The following NBPF8 variants were observed in gnomAD, a reference collection of about 807,000 sequenced individuals.
NBPF8 encodes NBPF family member NBPF8.
chr1:120,422,894 G>A (rs2134384), intron 1 of NBPF8, among the ~76,000 whole-genome samples: 1 of 111,740 alleles, frequency 8.9e-6, no homozygotes, highest in Non-Finnish European at 1.8e-5. Flanking sequence ...ATGATTTTGA[G>A]CATCTTTCTC....
intron 3 of NBPF8, among the ~76,000 whole-genome samples, 143 bp downstream of exon 3, chr1:120,427,990 C>T (rs1198464405): frequency 6.6e-6 from 1 of 152,170 alleles, no homozygotes; most frequent in Non-Finnish European, 1.5e-5. Context: ...GATGATGTCC[C>T]TTGTTCAACA....
chr1:120,459,703 G>A lies in NBPF8; in HGVS notation n.2784+173G>A, dbSNP rs1403157937. On this transcript the variant is annotated intron_variant and non_coding_transcript_variant, in intron 17 of 24. Transcript: ENST00000583271. ...GAGTCGAGTCTGAAGCACAGGCATG[G>A]GGTGGGTCAGTGAGCTTTGCTCTCT... 2.7e-3 allele frequency among the ~76,000 whole-genome samples: 409 copies of A among 151,972 alleles called. 2 individuals carry two copies. The highest frequency in any genetic ancestry group is 0.021 in the Middle Eastern group (6 of 292).
At chr1:120,431,465 A>C (rs1660877805), upstream of NBPF8, among the ~76,000 whole-genome samples, 2 of 148,972 alleles carry the variant, frequency 1.3e-5, no homozygotes, top group Non-Finnish European at 3.0e-5. Flanking sequence ...ACATTGAAAC[A>C]ATTTCTCAAA....
At chr1:120,420,286 G>T (rs1289557806) in intron 1 of NBPF8, among the ~76,000 whole-genome samples, 168 bp downstream of exon 2, 4 of 151,850 alleles carry the variant, frequency 2.6e-5, no homozygotes, top group African/African-American at 9.7e-5. Flanking sequence ...AATATTCACA[G>T]CGTGTGCCAC....
At chr1:120,466,013 A>C (rs1248229068) in exon 25 of NBPF8, 2 of 1,611,778 alleles carry the variant, frequency 1.2e-6, no homozygotes, top group African/African-American at 1.3e-5. Flanking sequence ...GAAGAGCCTG[A>C]AGTCTTACAG....
chr1:120,419,608 G>T (rs1286737109), upstream of NBPF8, among the ~76,000 whole-genome samples: 2 of 151,968 alleles, frequency 1.3e-5, no homozygotes, highest in African/African-American at 4.8e-5. Context: ...ACAAGTGTGT[G>T]CCACCATGCT....
chr1:120,415,146 G>A (rs1264987873), upstream of NBPF8, among the ~76,000 whole-genome samples: 2 of 152,184 alleles, frequency 1.3e-5, no homozygotes, highest in Non-Finnish European at 2.9e-5. Flanking sequence ...GAGCATCTGA[G>A]TGAACGCGGT....
rs1661554699 is a variant in NBPF8 at position 120,460,601 on chromosome 1, G to A, written n.2813G>A. 8 of 1,440,512 alleles carry A rather than the reference G, an allele frequency of 5.6e-6. No individual in the cohort carries two copies. In the South Asian group the frequency reaches 7.9e-5, roughly 14 times the overall value. The allele number at this position is 1,440,512 out of a possible 1,614,324, so 89.2% of individuals were successfully genotyped here. Reference sequence around the variant, plus strand: ...ATCGGTGGGATCAAGTGAAAAAGGAGGACCAAGAGGCAACAGGTCCCAGGT... The same window carrying A: ...ATCGGTGGGATCAAGTGAAAAAGGAAGACCAAGAGGCAACAGGTCCCAGGT... On this transcript the variant is annotated non_coding_transcript_exon_variant, in exon 18 of 25. Transcript: ENST00000583271.
chr1:120,460,872 G>A (rs1261023303), intron 18 of NBPF8, among the ~76,000 whole-genome samples: 4 of 151,900 alleles, frequency 2.6e-5, no homozygotes, highest in African/African-American at 7.3e-5. Context: ...GGTAACTGCA[G>A]GGAAACTTGA....
intron 11 of NBPF8, among the ~76,000 whole-genome samples, chr1:120,450,531 C>T (rs1286225852): frequency 1.3e-5 from 2 of 152,138 alleles, no homozygotes; most frequent in Non-Finnish European, 2.9e-5. Flanking sequence ...TCTTGTCAGT[C>T]TCCTAGAACA....
At chr1:120,429,525 C>A (rs1354458891) in intron 3 of NBPF8, among the ~76,000 whole-genome samples, 1 of 152,200 alleles carries the variant, frequency 6.6e-6, no homozygotes, top group African/African-American at 2.4e-5. Context: ...TGGGACTTGG[C>A]TGTCTAGAGA....
chr1:120,421,066 G>T (rs2101452959), intron 1 of NBPF8, among the ~76,000 whole-genome samples: 1 of 150,148 alleles, frequency 6.7e-6, no homozygotes, highest in Admixed American at 6.6e-5. Flanking sequence ...ACAAGGAGCA[G>T]CAGGGAAGGT....
chr1:120,450,343 C>A (rs1382422295), intron 11 of NBPF8, among the ~76,000 whole-genome samples: 1 of 151,900 alleles, frequency 6.6e-6, no homozygotes, highest in Non-Finnish European at 1.5e-5. Context: ...GAAGAAAGAT[C>A]CCACCCGAGA....
intron 1 of NBPF8, among the ~76,000 whole-genome samples, chr1:120,425,388 G>A (rs1660695060): frequency 6.6e-6 from 1 of 152,008 alleles, no homozygotes; most frequent in Non-Finnish European, 1.5e-5. Flanking sequence ...GCATTGAGAT[G>A]TTTCTGTATA....
At chr1:120,434,371 A>G (rs1661009683), upstream of NBPF8, among the ~76,000 whole-genome samples, 2 of 147,432 alleles carry the variant, frequency 1.4e-5, no homozygotes, top group South Asian at 4.2e-4. Context: ...ATACGTGTAT[A>G]CAGGTATATA....
chr1:120,452,072 C>G, intron 12 of NBPF8, 45 bp from the exon 11 acceptor site: 1 of 1,435,516 alleles, frequency 7.0e-7, no homozygotes, highest in Non-Finnish European at 9.8e-7. Context: ...GAGCGGATCA[C>G]TCAACCCTTT....
intron 21 of NBPF8, among the ~76,000 whole-genome samples, chr1:120,463,296 C>T (rs1435669403): frequency 6.9e-6 from 1 of 145,012 alleles, no homozygotes; most frequent in Non-Finnish European, 1.5e-5. Context: ...ATTCTAATTT[C>T]AGTGTCTCAA....
In NBPF8 at chr1:120,465,959, G is replaced by C. The variant is rs1661733593; in HGVS notation, n.3569-19G>C. ...CTGATTTTCCCTGGCTGCTTCTTTA[G>C]TTTTGTCTCCTTTTCCAGGCTCAAC... is the stretch of plus-strand genomic sequence containing the variant. On this transcript the variant is annotated intron_variant and non_coding_transcript_variant, in intron 24 of 24. Transcript: ENST00000583271. 4.3e-6 allele frequency: 7 copies of C among 1,611,720 alleles called. No homozygotes were observed. The highest frequency in any genetic ancestry group is 5.9e-6 in the Non-Finnish European group (7 of 1,179,700).
At chr1:120,450,224 A>T (rs1310696567) in intron 11 of NBPF8, among the ~76,000 whole-genome samples, 25 of 152,148 alleles carry the variant, frequency 1.6e-4, no homozygotes, top group African/African-American at 5.3e-4. Flanking sequence ...AAGACTGTTA[A>T]AAATAATAAT....
Sources: gnomAD v4.1 joint callset for allele counts (sites outside exome capture counted in the v4.1 genomes callset) on GRCh38, gnomAD v4.1.1 for gene constraint, MANE v1.5 for transcripts, NCBI Gene and HGNC (gene_info 2026-07-23, HGNC 2026-07-21) for gene names.